TAFA1: variants seen among roughly 807,000 people sequenced by gnomAD.
TAFA1 encodes TAFA chemokine like family member 1, also known as chemokine-like protein TAFA-1.
Under a neutral mutation model 18.5 loss-of-function variants are expected in TAFA1, and 4 were observed. The observed-to-expected ratio is 0.22, with a 90% CI of 0.11 to 0.49. TAFA1 has a LOEUF of 0.49. Ranked by LOEUF, TAFA1 falls within the 20% of genes least tolerant of loss-of-function variation. TAFA1 has a pLI of 0.98. For synonymous variants in TAFA1, 56 were observed against 55.2 expected (o/e 1.01, Z -0.06); for missense variants, 147 against 169.0 (o/e 0.87, Z 0.72).
At position 68,491,941 on chromosome 3, in the gene TAFA1, G is replaced by A. The variant is rs146593969; in HGVS notation, c.260-46815G>A. Among the ~76,000 whole-genome samples the A allele has an allele frequency of 2.8e-3, 420 of 152,296 alleles. 5 individuals are homozygous for A. Among genetic ancestry groups the A allele is most frequent in the African/African-American group, 9.8e-3 (406 of 41,564 alleles). On this transcript the variant is annotated intron_variant, in intron 3 of 4. Coordinates refer to ENST00000478136, the MANE Select transcript of TAFA1 (RefSeq NM_213609.4). ...ATAATTCTGAAGCCCACCAAAGACAGAGGAGCTCTGTTCTACATCAAACTG... is the reference window on the plus strand; with the variant it reads ...ATAATTCTGAAGCCCACCAAAGACAAAGGAGCTCTGTTCTACATCAAACTG...
At chr3:68,476,458 T>C (rs535028942) in intron 3 of TAFA1, among the ~76,000 whole-genome samples, 1 of 152,338 alleles carries the variant, frequency 6.6e-6, no homozygotes, top group East Asian at 1.9e-4. Context: ...TTGAGGTGTT[T>C]TACAAACGTG....
intron 2 of TAFA1, among the ~76,000 whole-genome samples, chr3:68,266,977 C>A (rs1164441714): frequency 6.6e-6 from 1 of 152,048 alleles, no homozygotes; most frequent in Non-Finnish European, 1.5e-5. Flanking sequence ...ATGAATATTG[C>A]CAAAGGTACA....
At chr3:68,503,793 A>C (rs1301129142) in intron 3 of TAFA1, among the ~76,000 whole-genome samples, 3 of 152,122 alleles carry the variant, frequency 2.0e-5, no homozygotes, top group Admixed American at 6.6e-5. Context: ...ATTTTCTAAT[A>C]ATATTTTGGA....
chr3:68,019,896 AT>A (rs1704650959), intron 2 of TAFA1, among the ~76,000 whole-genome samples: 1 of 152,198 alleles, frequency 6.6e-6, no homozygotes, highest in African/African-American at 2.4e-5. Context: ...TTGCTGATCA[AT>A]TACTATATGC....
chr3:68,326,192 A>C (rs1326955500), intron 2 of TAFA1, among the ~76,000 whole-genome samples: 3 of 152,180 alleles, frequency 2.0e-5, no homozygotes, highest in African/African-American at 7.2e-5. Flanking sequence ...AGGAATTAAC[A>C]TTTTCAGACT....
chr3:68,113,887 AGTTTTTTTT>A (rs1451937029), intron 2 of TAFA1, among the ~76,000 whole-genome samples: 49 of 68,894 alleles, frequency 7.1e-4, no homozygotes, highest in African/African-American at 2.7e-3. Context: ...TTTGGGGTGT[AGTTTTTTTT>A]GTTTTTTTTT....
intron 2 of TAFA1, among the ~76,000 whole-genome samples, chr3:68,413,376 G>A (rs2070753119): frequency 6.6e-6 from 1 of 152,074 alleles, no homozygotes; most frequent in Non-Finnish European, 1.5e-5. Context: ...TGCTTCTCCT[G>A]TAAAATAAAG....
chr3:68,068,612 A>C (rs2064713347), intron 2 of TAFA1, among the ~76,000 whole-genome samples: 1 of 152,228 alleles, frequency 6.6e-6, no homozygotes, highest in South Asian at 2.1e-4. Context: ...ACCTAAGACA[A>C]ACCCGAGAGA....
chr3:68,180,466 CA>C (rs2066184589), intron 2 of TAFA1, among the ~76,000 whole-genome samples: 1 of 152,168 alleles, frequency 6.6e-6, no homozygotes, highest in African/African-American at 2.4e-5. Context: ...ATCACACCTG[CA>C]GGCAATTTTT....
At chr3:68,141,159 T>A (rs1370335680) in intron 2 of TAFA1, among the ~76,000 whole-genome samples, 1 of 152,156 alleles carries the variant, frequency 6.6e-6, no homozygotes, top group Non-Finnish European at 1.5e-5. Context: ...ACCAAACGGG[T>A]GCCACGGGTC....
At position 68,006,687 on chromosome 3, in the gene TAFA1, C is replaced by G; in HGVS notation, c.61C>G (p.Leu21Val). ...LYLWISACAM[L>V]LCHGSLQHTF... ...TTTGTGGATAAGTGCTTGTGCAATG[C>G]TACTCTGCCATGGATCCCTTCAGCA... The change falls in exon 2 of 5, where the codon CTA becomes GTA. Residue 21 changes from leucine to valine, a missense_variant. Transcript: ENST00000478136. 6.2e-7 allele frequency: 1 copy of G among 1,614,024 alleles called. No individual in the cohort carries two copies. The highest frequency in any genetic ancestry group is 8.5e-7 in the Non-Finnish European group (1 of 1,179,880).
intron 3 of TAFA1, among the ~76,000 whole-genome samples, chr3:68,436,908 C>T (rs960965735): frequency 1.3e-5 from 2 of 152,192 alleles, no homozygotes; most frequent in African/African-American, 4.8e-5. Flanking sequence ...ATTTTGCCCA[C>T]TTTATTAGAA....
chr3:68,377,111 T>C (rs1057357925), intron 2 of TAFA1, among the ~76,000 whole-genome samples: 15 of 152,206 alleles, frequency 9.9e-5, no homozygotes, highest in African/African-American at 3.6e-4. Context: ...TATTTCTTTA[T>C]AGTAGTGTGA....
intron 2 of TAFA1, among the ~76,000 whole-genome samples, chr3:68,381,296 A>C (rs1160671057): frequency 6.6e-6 from 1 of 151,282 alleles, no homozygotes; most frequent in African/African-American, 2.4e-5. Context: ...GTTTTTTCCA[A>C]TTCTGTGAAG....
intron 2 of TAFA1, among the ~76,000 whole-genome samples, chr3:68,260,190 G>A (rs2107191586): frequency 6.6e-6 from 1 of 152,180 alleles, no homozygotes; most frequent in South Asian, 2.1e-4. Context: ...CATCTATTGA[G>A]ATAATCATGT....
intron 3 of TAFA1, among the ~76,000 whole-genome samples, chr3:68,537,827 G>C (rs1031540751): frequency 6.6e-6 from 1 of 152,102 alleles, no homozygotes; most frequent in Non-Finnish European, 1.5e-5. Flanking sequence ...AATTGCCTGT[G>C]GGTTCTTCCT....
intron 2 of TAFA1, among the ~76,000 whole-genome samples, chr3:68,099,903 A>G (rs1018403308): frequency 1.3e-5 from 2 of 152,124 alleles, no homozygotes; most frequent in Non-Finnish European, 2.9e-5. Context: ...AGTAACAGAA[A>G]AGCAAATATC....
intron 2 of TAFA1, among the ~76,000 whole-genome samples, chr3:68,077,806 C>A (rs1312948178): frequency 5.3e-5 from 8 of 151,766 alleles, no homozygotes; most frequent in Admixed American, 3.3e-4. Flanking sequence ...TTTTTTGGTT[C>A]CATATGAACT....
At chr3:68,182,593 C>T (rs367967131) in intron 2 of TAFA1, among the ~76,000 whole-genome samples, 78 of 152,296 alleles carry the variant, frequency 5.1e-4, no homozygotes, top group African/African-American at 1.8e-3. Context: ...GAATTTATCA[C>T]ATTAACATGA....
Sources: gnomAD v4.1 joint callset for allele counts (sites outside exome capture counted in the v4.1 genomes callset) on GRCh38, gnomAD v4.1.1 for gene constraint, MANE v1.5 for transcripts, NCBI Gene and HGNC (gene_info 2026-07-23, HGNC 2026-07-21) for gene names.